The following SIPA1L2 variants were observed in gnomAD, a reference collection of about 807,000 sequenced individuals.
SIPA1L2 encodes the protein signal-induced proliferation-associated 1-like protein 2.
SIPA1L2 carries 56 observed loss-of-function variants against 163.9 expected under a neutral mutation model. That is an observed-to-expected ratio of 0.34 (90% CI 0.28 to 0.43). The LOEUF (loss-of-function observed/expected upper bound fraction) is 0.43, where lower values mean the gene tolerates loss of function less well. Among genes scored for constraint, SIPA1L2 ranks in the 20% least tolerant of loss-of-function variants. The pLI is 1.00. For synonymous variants in SIPA1L2, 877 were observed against 865.7 expected (o/e 1.01, Z -0.23); for missense variants, 1,974 against 2,193.5 (o/e 0.90, Z 2.00).
chr1:232,477,144 T>C (rs1020766021), intron 7 of SIPA1L2, among the ~76,000 whole-genome samples: 10 of 152,228 alleles, frequency 6.6e-5, no homozygotes, highest in African/African-American at 2.4e-4. Context: ...CAACCTGTGA[T>C]TGCAAAATAT....
At chr1:232,478,709 C>T (rs962902446) in intron 7 of SIPA1L2, among the ~76,000 whole-genome samples, 1 of 152,168 alleles carries the variant, frequency 6.6e-6, no homozygotes, top group African/African-American at 2.4e-5. Context: ...AACCTAAATA[C>T]AATCAAATCC....
At chr1:232,431,537 C>T (rs898023756) in intron 16 of SIPA1L2, among the ~76,000 whole-genome samples, 2 of 152,200 alleles carry the variant, frequency 1.3e-5, no homozygotes, top group Non-Finnish European at 2.9e-5. Context: ...CGCCTGATGA[C>T]GCTATCGCAG....
At chr1:232,457,221 C>G (rs1171263396) in intron 10 of SIPA1L2, among the ~76,000 whole-genome samples, 5 of 152,206 alleles carry the variant, frequency 3.3e-5, no homozygotes, top group Non-Finnish European at 7.3e-5. Context: ...AAACCAAACA[C>G]CTTTTGACCT....
intron 1 of SIPA1L2, among the ~76,000 whole-genome samples, 101 bp downstream of exon 1, chr1:232,629,768 C>A (rs1663284421): frequency 6.6e-6 from 1 of 152,042 alleles, no homozygotes; most frequent in African/African-American, 2.4e-5. Context: ...CCCAAAGCGC[C>A]CCGAAGGGCA....
At chr1:232,595,003 A>T (rs1473083108) in intron 1 of SIPA1L2, among the ~76,000 whole-genome samples, 1 of 152,166 alleles carries the variant, frequency 6.6e-6, no homozygotes, top group African/African-American at 2.4e-5. Flanking sequence ...CAGTGATTCC[A>T]ATATGGAGCC....
At chr1:232,431,138 G>A (rs139211778) in intron 16 of SIPA1L2, among the ~76,000 whole-genome samples, 1 of 152,218 alleles carries the variant, frequency 6.6e-6, no homozygotes, top group Non-Finnish European at 1.5e-5. Flanking sequence ...CATATAAAAT[G>A]CTTCTAAAAA....
At chr1:232,491,194 A>G (rs1325976799) in intron 4 of SIPA1L2, 132 bp from the exon 5 acceptor site, 1 of 736,422 alleles carries the variant, frequency 1.4e-6, no homozygotes, top group Admixed American at 3.0e-5. Context: ...AAGGGGCGAC[A>G]GTGTTCCATT....
At chr1:232,488,612 T>A (rs1665765549) in intron 5 of SIPA1L2, among the ~76,000 whole-genome samples, 1 of 152,108 alleles carries the variant, frequency 6.6e-6, no homozygotes, top group Admixed American at 6.6e-5. Flanking sequence ...AAATATAAAA[T>A]CTAAAGAAAA....
At chr1:232,447,856 T>G (rs1663309499) in intron 10 of SIPA1L2, among the ~76,000 whole-genome samples, 1 of 152,228 alleles carries the variant, frequency 6.6e-6, no homozygotes, top group South Asian at 2.1e-4. Flanking sequence ...AGATTAAAAA[T>G]ACTTCATTTA....
intron 19 of SIPA1L2, among the ~76,000 whole-genome samples, chr1:232,405,924 G>T (rs1164929709): frequency 6.6e-6 from 1 of 152,130 alleles, no homozygotes; most frequent in Non-Finnish European, 1.5e-5. Flanking sequence ...ATTTCCTACA[G>T]GCAGTCATTC....
At chr1:232,569,434 G>A (rs111732940) in intron 2 of SIPA1L2, among the ~76,000 whole-genome samples, 2,275 of 152,270 alleles carry the variant, frequency 0.015, 65 homozygotes, top group African/African-American at 0.051. Flanking sequence ...GGATGCTGTC[G>A]TTCCTCCTGT....
chr1:232,483,743 C>T, intron 6 of SIPA1L2, 49 bp downstream of exon 6: 1 of 1,604,960 alleles, frequency 6.2e-7, no homozygotes, highest in Admixed American at 1.7e-5. Context: ...TGAAGCATGC[C>T]TACCTTTGGA....
intron 2 of SIPA1L2, among the ~76,000 whole-genome samples, chr1:232,551,590 TG>T (rs1658384003): frequency 6.6e-6 from 1 of 152,020 alleles, no homozygotes; most frequent in African/African-American, 2.4e-5. Context: ...GAGGCCCCAG[TG>T]GGGGAGGTGA....
At chr1:232,469,014 A>G (rs1479894283) in intron 8 of SIPA1L2, among the ~76,000 whole-genome samples, 1 of 152,126 alleles carries the variant, frequency 6.6e-6, no homozygotes, top group Non-Finnish European at 1.5e-5. Flanking sequence ...TGCTGCGCTC[A>G]TGGGGGAGGC....
chr1:232,537,856 T>C (rs779322809), intron 2 of SIPA1L2, among the ~76,000 whole-genome samples: 40 of 152,254 alleles, frequency 2.6e-4, no homozygotes, highest in African/African-American at 8.9e-4. Context: ...ACAGTTATTA[T>C]TGTTCATTCA....
intron 3 of SIPA1L2, among the ~76,000 whole-genome samples, chr1:232,510,809 T>C (rs894785972): frequency 2.0e-5 from 3 of 152,130 alleles, no homozygotes; most frequent in African/African-American, 7.2e-5. Flanking sequence ...TCATTCCACT[T>C]ACACTCAGAC....
At position 232,398,975 on chromosome 1, in the gene SIPA1L2, G is replaced by A. The variant is rs1660172408; in HGVS notation, c.*152C>T. ...CCGTGGTTACCGAGAAAGAGTCGAG[G>A]CTCCCTATCCTGCTGTGGTGAATGG... On this transcript the variant is annotated 3_prime_UTR_variant, in exon 23 of 23. Coordinates refer to ENST00000674635, the MANE Select transcript of SIPA1L2 (RefSeq NM_020808.5). 3 of 1,016,436 alleles carry A rather than the reference G, an allele frequency of 3.0e-6. No homozygotes were observed. Among genetic ancestry groups the A allele is most frequent in the Non-Finnish European group, 2.8e-6 (2 of 712,306 alleles). 63.0% of individuals were successfully genotyped at this position (1,016,436 alleles called of 1,614,324 possible). A position where few individuals can be genotyped will look rare whatever the true frequency, so the allele number is the denominator to read the frequency against.
rs573945254 is a variant in SIPA1L2, at chr1:232,534,542, C to A, written c.-269-18934G>T. Among the ~76,000 whole-genome samples, 12 of 152,282 alleles carry A rather than the reference C, an allele frequency of 7.9e-5. No individual in the cohort carries two copies. The South Asian group carries it at 2.5e-3, about 32-fold the overall frequency. On this transcript the variant is annotated intron_variant, in intron 2 of 22. Transcript: ENST00000674635. ...CAACAACAAAAATTAATGAAGTGCCCTTCATCAACACTGAAAACTTTTGTG... is the reference window on the plus strand; with the variant it reads ...CAACAACAAAAATTAATGAAGTGCCATTCATCAACACTGAAAACTTTTGTG...
At chr1:232,606,935 T>C (rs1661954650) in intron 1 of SIPA1L2, among the ~76,000 whole-genome samples, 1 of 152,080 alleles carries the variant, frequency 6.6e-6, no homozygotes. Context: ...TGAAAATTTC[T>C]GTTAAGTAGA....
Sources: gnomAD v4.1 joint callset for allele counts (sites outside exome capture counted in the v4.1 genomes callset) on GRCh38, gnomAD v4.1.1 for gene constraint, MANE v1.5 for transcripts, NCBI Gene and HGNC (gene_info 2026-07-23, HGNC 2026-07-21) for gene names.